Variants in A2M observed in about 807,000 individuals in gnomAD.
The protein encoded by A2M is alpha-2-macroglobulin, also known as C3 and PZP-like alpha-2-macroglobulin domain-containing protein 5.
Under a neutral mutation model 183.9 loss-of-function variants are expected in A2M, and 128 were observed. The ratio of observed to expected loss-of-function variants is 0.70; its 90% confidence interval spans 0.60 to 0.81. A2M has a LOEUF of 0.81. Ranked by LOEUF, A2M falls within the 30% of genes least tolerant of loss-of-function variation. The pLI is 0.00. For synonymous variants in A2M, 592 were observed against 670.8 expected (o/e 0.88, Z 1.81); for missense variants, 1,495 against 1,787.6 (o/e 0.84, Z 2.95).
chr12:9,110,131 T>C, intron 5 of A2M, 96 bp from the exon 6 acceptor site: 1 of 1,357,050 alleles, frequency 7.4e-7, no homozygotes. Context: ...TACAAAAAGG[T>C]CAAATGGGGT....
At chr12:9,074,470 AT>A (rs1473103233) in intron 29 of A2M, 89 bp downstream of exon 29, 52 of 1,266,098 alleles carry the variant, frequency 4.1e-5, no homozygotes, top group Non-Finnish European at 4.9e-5. Flanking sequence ...TGTCATCTGT[AT>A]TTTTTTCTTC....
Position 9,106,477 on chromosome 12 carries a change from T to G in A2M, c.994+14A>C. The G allele has an allele frequency of 6.6e-7, 1 of 1,526,294 alleles. No individual in the cohort carries two copies. Among genetic ancestry groups the G allele is most frequent in the Non-Finnish European group, 9.0e-7 (1 of 1,107,872 alleles). The allele number at this position is 1,526,294 out of a possible 1,614,324, so 94.5% of individuals were successfully genotyped here. A position where few individuals can be genotyped will look rare whatever the true frequency, so the allele number is the denominator to read the frequency against. ...CCTGTTGTGTTTTCTCTTATACCCATGTAGTACACAAACCTGTTCCTTCTT... is the reference window on the plus strand; with the variant it reads ...CCTGTTGTGTTTTCTCTTATACCCAGGTAGTACACAAACCTGTTCCTTCTT... On this transcript the variant is annotated intron_variant, in intron 9 of 35. Transcript: ENST00000318602.
intron 8 of A2M, 30 bp downstream of exon 8, chr12:9,107,494 A>G (rs1161000489): frequency 1.9e-6 from 3 of 1,612,346 alleles, no homozygotes; most frequent in Non-Finnish European, 8.5e-7. Context: ...CTTTATCGCT[A>G]TTCTCTAGAA....
intron 32 of A2M, 150 bp downstream of exon 32, chr12:9,070,338 A>C (rs999582919): frequency 2.5e-5 from 16 of 630,916 alleles, no homozygotes; most frequent in Middle Eastern, 6.1e-4. Context: ...CATTCATACA[A>C]ACACATGTGA....
At chr12:9,068,623 CAAAAT>C in intron 34 of A2M, 112 bp downstream of exon 34, 1 of 848,582 alleles carries the variant, frequency 1.2e-6, no homozygotes, top group South Asian at 1.6e-5. Flanking sequence ...TTGATGGAGA[CAAAAT>C]GAAGTGATAA....
In A2M at chr12:9,115,784, G is replaced by A. The variant is rs1397674410; in HGVS notation, c.66C>T (p.Asp22=). 14 of 1,613,252 alleles carry A rather than the reference G, an allele frequency of 8.7e-6. No homozygotes were observed. In the East Asian group the frequency reaches 1.6e-4, roughly 18 times the overall value. The change falls in exon 1 of 36, where the codon GAC becomes GAT. Residue 22 remains aspartate, a synonymous_variant. Coordinates refer to ENST00000318602, the MANE Select transcript of A2M (RefSeq NM_000014.6). ...VLLLLVLLPT[D]ASVSGKPQYM... The stretch of plus-strand genomic sequence containing the variant: ...CTCACGGTTTTCCAGAGACTGAGGC[G>A]TCTGTGGGCAGGAGGACCAAGAGGA...
intron 28 of A2M, among the ~76,000 whole-genome samples, chr12:9,075,283 G>A (rs1948712519): frequency 6.6e-6 from 1 of 152,174 alleles, no homozygotes; most frequent in Admixed American, 6.5e-5. Flanking sequence ...ATACACTGCT[G>A]TGGGAAGCCA....
chr12:9,104,243 A>G lies in A2M; in HGVS notation c.1262T>C (p.Val421Ala). 6.2e-7 allele frequency: 1 copy of G among 1,608,280 alleles called. No homozygotes were observed. Among genetic ancestry groups the G allele is most frequent in the Non-Finnish European group, 8.5e-7 (1 of 1,177,894 alleles). Residue 421 changes from valine (V) to alanine (A), a missense_variant, in exon 11 of 36, where the codon GTT becomes GCT. By Grantham distance (64) the Val-to-Ala change is moderately conservative. Transcript: ENST00000318602. Reference protein sequence around the residue: ...TTNVMGTSLTVRVNYKDRSPC... With the variant: ...TTNVMGTSLTARVNYKDRSPC... ...GTAATTTCTTTCCAAACTTACCCTA[A>G]CAGTAAGAGAGGTACCCATAACATT...
intron 7 of A2M, among the ~76,000 whole-genome samples, chr12:9,108,666 C>T (rs1228068465): frequency 1.3e-5 from 2 of 152,206 alleles, no homozygotes; most frequent in Admixed American, 1.3e-4. Flanking sequence ...TATACCTGCT[C>T]TTCCTGCTAC....
At position 9,068,741 on chromosome 12, in the gene A2M, C is replaced by T. The variant is rs1247896058; in HGVS notation, c.4365G>A (p.Thr1455=). ...AIVKVYDYYE[T]DEFAIAEYNA... ...TACGTGAAAATCACTCTCACTCACC[C>T]GTCTCGTAGTAATCATAGACTTTCA... Residue 1455 remains threonine (T), a splice_region_variant and synonymous_variant, in exon 34 of 36, where the codon ACG becomes ACA. Coordinates refer to ENST00000318602, the MANE Select transcript of A2M (RefSeq NM_000014.6). The T allele has an allele frequency of 8.8e-6, 14 of 1,594,498 alleles. No homozygotes were observed. Among genetic ancestry groups the T allele is most frequent in the Middle Eastern group, 1.7e-4 (1 of 6,040 alleles).
intron 5 of A2M, 99 bp downstream of exon 5, chr12:9,110,215 A>G (rs1163424991): frequency 1.7e-6 from 2 of 1,179,418 alleles, no homozygotes; most frequent in Non-Finnish European, 2.4e-6. Flanking sequence ...TTCTCCTTTA[A>G]TGACAAGTTT....
In A2M at chr12:9,068,166, G is replaced by A; in HGVS notation, c.4408+17C>T. 6.2e-7 allele frequency: 1 copy of A among 1,612,772 alleles called. No homozygotes were observed. Among genetic ancestry groups the A allele is most frequent in the Non-Finnish European group, 8.5e-7 (1 of 1,179,594 alleles). ...AAGGAGCTCTGACTGCCTTTTGGAG[G>A]AGTGTGAGTGGCTTACCTTTGCTGC... On this transcript the variant is annotated intron_variant, in intron 35 of 35. Coordinates refer to ENST00000318602, the MANE Select transcript of A2M (RefSeq NM_000014.6).
chr12:9,070,707 T>C (rs747085303), intron 31 of A2M, 129 bp from the exon 32 acceptor site: 2 of 653,800 alleles, frequency 3.1e-6, no homozygotes, highest in Non-Finnish European at 5.2e-6. Context: ...CTTATCCCAG[T>C]GGTTTGTAAA....
chr12:9,099,285 C>T (rs1244891283), intron 14 of A2M, 96 bp downstream of exon 14: 4 of 1,189,276 alleles, frequency 3.4e-6, no homozygotes, highest in Non-Finnish European at 4.8e-6. Context: ...ATTTGTTTAA[C>T]CCTTTTGGCC....
rs769791745 is a variant in A2M at position 9,106,509 on chromosome 12, T to C, written c.976A>G (p.Ile326Val). 1.3e-6 allele frequency: 2 copies of C among 1,597,294 alleles called. No individual in the cohort carries two copies. Among genetic ancestry groups the C allele is most frequent in the Non-Finnish European group, 1.7e-6 (2 of 1,169,814 alleles). ...CACAAACCTGTTCCTTCTTCTTGGA[T>C]CTGGGCCTCAGTGTGAAGTTTCATT... Reference protein sequence around the residue: ...YEMKLHTEAQIQEEGTVVELT... With the variant: ...YEMKLHTEAQVQEEGTVVELT... The change falls in exon 9 of 36, where the codon ATC (isoleucine) becomes GTC (valine). Residue 326 changes from isoleucine to valine, a missense_variant. Transcript: ENST00000318602.
At position 9,089,239 on chromosome 12, in the gene A2M, C is replaced by G. The variant is rs1949134834; in HGVS notation, c.2731G>C (p.Glu911Gln). The change falls in exon 22 of 36, where the codon GAG (glutamate) becomes CAG (glutamine). Residue 911 changes from glutamate to glutamine, a missense_variant. By Grantham distance (29) the Glu-to-Gln change is conservative. Transcript: ENST00000318602. ...KPLLVEPEGLEKETTFNSLLC... is the reference protein window; with the variant it reads ...KPLLVEPEGLQKETTFNSLLC... ...AGGGAGTTGAATGTTGTTTCCTTCT[C>G]TAGTCCTTCAGGCTTTAGGTAAAAG... 1.3e-6 allele frequency: 2 copies of G among 1,588,044 alleles called. No individual in the cohort carries two copies. Among genetic ancestry groups the G allele is most frequent in the East Asian group, 4.5e-5 (2 of 44,328 alleles).
chr12:9,077,751 C>T lies in A2M; in HGVS notation c.3226G>A (p.Asp1076Asn), dbSNP rs1243762582. Residue 1076 changes from aspartate (D) to asparagine (N), a missense_variant, in exon 26 of 36, where the codon GAC (aspartate) becomes AAC (asparagine). Physicochemically the swap from Asp to Asn is conservative, Grantham distance 23. Coordinates refer to ENST00000318602, the MANE Select transcript of A2M (RefSeq NM_000014.6). ...ALIWLSQRQKDNGCFRSSGSL... is the reference protein window; with the variant it reads ...ALIWLSQRQKNNGCFRSSGSL... ...CCAGAGCTCCTGAAACAGCCATTGTCCTTCTGCCTCTGGGAGAGCCATATG... is the reference window on the plus strand; with the variant it reads ...CCAGAGCTCCTGAAACAGCCATTGTTCTTCTGCCTCTGGGAGAGCCATATG... 9 of 1,614,168 alleles carry T rather than the reference C, an allele frequency of 5.6e-6. No homozygotes were observed. Among genetic ancestry groups the T allele is most frequent in the South Asian group, 1.1e-5 (1 of 91,082 alleles).
chr12:9,110,752 AG>A (rs1463056195), intron 4 of A2M, among the ~76,000 whole-genome samples: 1 of 152,156 alleles, frequency 6.6e-6, no homozygotes, highest in Non-Finnish European at 1.5e-5. Context: ...AGTTTCATAT[AG>A]AATAATTCCC....
chr12:9,098,126 T>G (rs1949440897), intron 15 of A2M, among the ~76,000 whole-genome samples: 1 of 152,186 alleles, frequency 6.6e-6, no homozygotes, highest in African/African-American at 2.4e-5. Context: ...ATATATAATT[T>G]TCGAACGGCT....
Sources: allele counts gnomAD v4.1 joint callset (sites outside exome capture counted in the v4.1 genomes callset), GRCh38; gene constraint gnomAD v4.1.1; transcripts MANE v1.5; gene names NCBI Gene and HGNC (gene_info 2026-07-23, HGNC 2026-07-21).